The following DCAF8L2 variants were observed in gnomAD, a reference collection of about 807,000 sequenced individuals.
DCAF8L2 encodes DDB1- and CUL4-associated factor 8-like protein 2.
For missense variants in DCAF8L2, 430 were observed against 490.7 expected (o/e 0.88, Z 1.17); for synonymous variants, 200 against 190.9 (o/e 1.05, Z -0.39).
intron 2 of DCAF8L2, among the ~76,000 whole-genome samples, chrX:27,654,307 A>T (rs1172378429): frequency 8.9e-6 from 1 of 112,211 alleles, no homozygotes; most frequent in Non-Finnish European, 1.9e-5. Context: ...AACAAAAAAC[A>T]GCAGAAACAA....
chrX:27,510,722 A>C, the DCAF8L2 span, among the ~76,000 whole-genome samples: 2 of 110,750 alleles, frequency 1.8e-5, no homozygotes, highest in Non-Finnish European at 3.8e-5. Context: ...TAGAACATCA[A>C]GAATGATTAT....
intron 4 of DCAF8L2, among the ~76,000 whole-genome samples, chrX:27,734,922 A>G (rs1921435125): frequency 8.9e-6 from 1 of 111,862 alleles, no homozygotes; most frequent in African/African-American, 3.2e-5. Context: ...TTTTTCTTAA[A>G]TGGTACAATT....
chrX:27,631,752 G>T, intron 1 of DCAF8L2, 127 bp from the exon 2 acceptor site: 1 of 112,020 alleles, frequency 8.9e-6, no homozygotes, highest in East Asian at 2.8e-4. Context: ...CCCTACAGTG[G>T]TTATAGTCAA....
chrX:27,587,984 A>AT (rs1925938274), upstream of DCAF8L2, among the ~76,000 whole-genome samples: 80 of 65,127 alleles, frequency 1.2e-3, no homozygotes, highest in South Asian at 2.9e-3. Flanking sequence ...TTAAAAAAAA[A>AT]AATATATATA....
At chrX:27,630,623 A>C (rs942289348) in intron 1 of DCAF8L2, among the ~76,000 whole-genome samples, 1 of 112,448 alleles carries the variant, frequency 8.9e-6, no homozygotes, top group African/African-American at 3.2e-5. Flanking sequence ...TCCTCAAAAA[A>C]TACTAGCAAA....
chrX:27,554,912 C>T, the DCAF8L2 span, among the ~76,000 whole-genome samples: 1 of 111,478 alleles, frequency 9.0e-6, no homozygotes, highest in African/African-American at 3.3e-5. Flanking sequence ...TTCAGTTGTG[C>T]CAGACCTCTG....
chrX:27,606,495 C>T (rs1476564490), intron 1 of DCAF8L2, among the ~76,000 whole-genome samples: 1 of 101,755 alleles, frequency 9.8e-6, no homozygotes, highest in Non-Finnish European at 2.0e-5. Context: ...CACAGCCTCC[C>T]GAGTAGCTGG....
At chrX:27,526,030 CT>C in the DCAF8L2 span, among the ~76,000 whole-genome samples, 1 of 111,256 alleles carries the variant, frequency 9.0e-6, no homozygotes, top group Non-Finnish European at 1.9e-5. Context: ...CAAGGAGTGT[CT>C]TTGTGGCATT....
the DCAF8L2 span, among the ~76,000 whole-genome samples, chrX:27,541,302 A>G: frequency 1.8e-5 from 2 of 110,744 alleles, no homozygotes; most frequent in Non-Finnish European, 3.8e-5. Flanking sequence ...AGGCCTGTCT[A>G]TATATATTTT....
intron 4 of DCAF8L2, among the ~76,000 whole-genome samples, chrX:27,723,193 A>T (rs1472248403): frequency 2.7e-5 from 3 of 110,645 alleles, no homozygotes; most frequent in Non-Finnish European, 5.7e-5. Context: ...AAATTATAAA[A>T]TTTATAAATA....
Position 27,638,263 on chromosome X carries a change from T to A in DCAF8L2, c.-220+6263T>A, listed in dbSNP as rs1181668614. ...TGAAAAGTATGGTAATGGACTCAGA[T>A]CTCAACAGCTGGAGTCATTGATCAG... On this transcript the variant is annotated intron_variant, in intron 2 of 4. Coordinates refer to ENST00000451261, the MANE Select transcript of DCAF8L2 (RefSeq NM_001353450.2). 4.5e-5 allele frequency among the ~76,000 whole-genome samples: 5 copies of A among 111,534 alleles called. No homozygotes were observed. The Admixed American group carries it at 4.8e-4, about 11-fold the overall frequency.
chrX:27,476,967 A>G, the DCAF8L2 span, among the ~76,000 whole-genome samples: 30 of 112,323 alleles, frequency 2.7e-4, no homozygotes, highest in Admixed American at 6.6e-4. Flanking sequence ...TCTACTGCAT[A>G]CAGTGTTACT....
chrX:27,657,239 C>T (rs771415880), intron 2 of DCAF8L2, among the ~76,000 whole-genome samples: 6 of 110,849 alleles, frequency 5.4e-5, no homozygotes, highest in East Asian at 5.7e-4. Context: ...AGAACCCTAA[C>T]GCATATACAC....
the DCAF8L2 span, among the ~76,000 whole-genome samples, chrX:27,476,114 G>T: frequency 9.0e-6 from 1 of 110,575 alleles, no homozygotes; most frequent in Non-Finnish European, 1.9e-5. Context: ...CGGGTATAAA[G>T]GGGACAAGAG....
At chrX:27,517,703 A>G in the DCAF8L2 span, 16 of 896,516 alleles carry the variant, frequency 1.8e-5, no homozygotes, top group Non-Finnish European at 2.6e-5. Flanking sequence ...GTATCCGCAA[A>G]GGCCTGCTTT....
intron 3 of DCAF8L2, among the ~76,000 whole-genome samples, chrX:27,704,181 C>CACACACACAT (rs1555930615): frequency 1.1e-5 from 1 of 89,466 alleles, no homozygotes; most frequent in Non-Finnish European, 2.0e-5. Context: ...TATACATATA[C>CACACACACAT]ACACACACAT....
At chrX:27,732,618 C>T (rs934276780) in intron 4 of DCAF8L2, among the ~76,000 whole-genome samples, 6 of 110,462 alleles carry the variant, frequency 5.4e-5, no homozygotes, top group African/African-American at 2.0e-4. Flanking sequence ...ATCAAAATTT[C>T]TTTAAGCATT....
intron 4 of DCAF8L2, among the ~76,000 whole-genome samples, chrX:27,720,619 C>A (rs6628309): frequency 1.8e-5 from 2 of 110,812 alleles, no homozygotes; most frequent in African/African-American, 6.6e-5. Context: ...ATGACCCACC[C>A]GCCTCGGCCT....
At chrX:27,670,252 A>G (rs144444410) in intron 2 of DCAF8L2, among the ~76,000 whole-genome samples, 21 of 110,762 alleles carry the variant, frequency 1.9e-4, no homozygotes, top group African/African-American at 6.2e-4. Flanking sequence ...AGATTGGTTC[A>G]GTCAGGGCCC....
Sources: gnomAD v4.1 joint callset for allele counts (sites outside exome capture counted in the v4.1 genomes callset) on GRCh38, gnomAD v4.1.1 for gene constraint, MANE v1.5 for transcripts, NCBI Gene and HGNC (gene_info 2026-07-23, HGNC 2026-07-21) for gene names.